DPP10: variants seen among roughly 807,000 people sequenced by gnomAD.
The protein encoded by DPP10 is dipeptidyl peptidase like 10, also known as inactive dipeptidyl peptidase 10.
DPP10 carries 33 observed loss-of-function variants against 120.9 expected under a neutral mutation model. That is an observed-to-expected ratio of 0.27 (90% confidence interval 0.21 to 0.37). The LOEUF is 0.37. Among genes scored for constraint, DPP10 ranks in the 10% least tolerant of loss-of-function variants. DPP10 has a pLI of 1.00. For synonymous variants in DPP10, 337 were observed against 326.1 expected (o/e 1.03, Z -0.36); for missense variants, 816 against 942.8 (o/e 0.87, Z 1.76).
intron 3 of DPP10, among the ~76,000 whole-genome samples, chr2:115,362,495 G>A (rs755713784): frequency 2.0e-5 from 3 of 151,996 alleles, no homozygotes; most frequent in Admixed American, 6.6e-5. Context: ...ATAACAAAAA[G>A]CTTTATATAA....
intron 1 of DPP10, among the ~76,000 whole-genome samples, chr2:114,903,526 A>T (rs970854462): frequency 6.6e-6 from 1 of 152,146 alleles, no homozygotes; most frequent in African/African-American, 2.4e-5. Context: ...AGTTTTCCTG[A>T]TGAGATATGA....
At chr2:114,877,430 T>A (rs1691246856) in intron 1 of DPP10, among the ~76,000 whole-genome samples, 1 of 152,014 alleles carries the variant, frequency 6.6e-6, no homozygotes, top group Non-Finnish European at 1.5e-5. Flanking sequence ...GGAAGCCATT[T>A]CAAGCAGAAA....
At chr2:115,197,178 G>A (rs1371088411) in intron 1 of DPP10, among the ~76,000 whole-genome samples, 1 of 152,112 alleles carries the variant, frequency 6.6e-6, no homozygotes, top group East Asian at 1.9e-4. Flanking sequence ...CGGATCATGA[G>A]GTCAGGAGAT....
intron 1 of DPP10, among the ~76,000 whole-genome samples, chr2:115,279,363 A>G (rs1480860121): frequency 6.6e-6 from 1 of 152,146 alleles, no homozygotes; most frequent in East Asian, 1.9e-4. Context: ...GAAAAACAGG[A>G]GGAGGAGGAA....
intron 1 of DPP10, among the ~76,000 whole-genome samples, chr2:114,561,573 T>G (rs1008455715): frequency 6.6e-6 from 1 of 152,186 alleles, no homozygotes; most frequent in Non-Finnish European, 1.5e-5. Context: ...TCTCTCACTA[T>G]TAGAAAGAGC....
rs527825154 is a variant in DPP10, at chr2:115,417,447, A to C, written c.271+73535A>C. Among the ~76,000 whole-genome samples the C allele has an allele frequency of 1.8e-4, 27 of 152,324 alleles. No individual in the cohort carries two copies. The South Asian group carries it at 5.6e-3, about 32-fold the overall frequency. ...GTTATCTTATATACATGTTGGTAATAATTCAACATTAACAATAAATGTTAT... is the reference window on the plus strand; with the variant it reads ...GTTATCTTATATACATGTTGGTAATCATTCAACATTAACAATAAATGTTAT... On this transcript the variant is annotated intron_variant, in intron 3 of 25. Transcript: ENST00000410059.
At chr2:114,976,628 G>A (rs1699770828) in intron 1 of DPP10, among the ~76,000 whole-genome samples, 1 of 152,164 alleles carries the variant, frequency 6.6e-6, no homozygotes, top group Admixed American at 6.5e-5. Context: ...TTTCAGTGGA[G>A]AAGTTTGAAA....
At chr2:114,662,046 C>T (rs1029816326) in intron 1 of DPP10, among the ~76,000 whole-genome samples, 1 of 151,882 alleles carries the variant, frequency 6.6e-6, no homozygotes, top group Non-Finnish European at 1.5e-5. Flanking sequence ...AGGCCGCGCC[C>T]CGAGGCCTCA....
At chr2:115,025,706 G>T (rs1424074842) in intron 1 of DPP10, among the ~76,000 whole-genome samples, 1 of 152,112 alleles carries the variant, frequency 6.6e-6, no homozygotes, top group Non-Finnish European at 1.5e-5. Flanking sequence ...TCTAACTGGG[G>T]TGAGATAATA....
intron 11 of DPP10, among the ~76,000 whole-genome samples, chr2:115,754,880 T>C (rs1679201371): frequency 6.6e-6 from 1 of 152,168 alleles, no homozygotes; most frequent in Non-Finnish European, 1.5e-5. Context: ...TTGCACCTTG[T>C]ATACAGGTAT....
intron 5 of DPP10, among the ~76,000 whole-genome samples, chr2:115,637,849 A>T (rs1575409732): frequency 6.6e-6 from 1 of 152,188 alleles, no homozygotes; most frequent in South Asian, 2.1e-4. Context: ...AAGCCTAGAC[A>T]TCACCAGTCT....
At chr2:114,596,153 A>G (rs1021996792) in intron 1 of DPP10, among the ~76,000 whole-genome samples, 1 of 192 alleles carries the variant, frequency 5.2e-3, no homozygotes, top group South Asian at 0.17. Flanking sequence ...GAAAATATGC[A>G]ACTTTTTTAG....
intron 5 of DPP10, among the ~76,000 whole-genome samples, chr2:115,623,158 C>T (rs538774842): frequency 6.6e-6 from 1 of 152,158 alleles, no homozygotes; most frequent in East Asian, 1.9e-4. Flanking sequence ...TTCATTTATT[C>T]TTATTGTCTA....
At chr2:115,502,555 A>G (rs2148800984) in intron 4 of DPP10, among the ~76,000 whole-genome samples, 1 of 152,308 alleles carries the variant, frequency 6.6e-6, no homozygotes, top group South Asian at 2.1e-4. Context: ...AATAATCTGA[A>G]TATCACCAGT....
intron 1 of DPP10, among the ~76,000 whole-genome samples, chr2:114,842,591 T>G (rs1688245870): frequency 6.6e-6 from 1 of 152,076 alleles, no homozygotes; most frequent in Non-Finnish European, 1.5e-5. Context: ...ACCAGAATAA[T>G]GTGTTTTCTC....
intron 1 of DPP10, among the ~76,000 whole-genome samples, chr2:114,492,025 G>T (rs1447221871): frequency 6.6e-6 from 1 of 152,080 alleles, no homozygotes; most frequent in Non-Finnish European, 1.5e-5. Context: ...AATTAGGAAG[G>T]ATTAACATCC....
At chr2:115,692,896 A>G (rs2091393359) in intron 7 of DPP10, among the ~76,000 whole-genome samples, 1 of 152,184 alleles carries the variant, frequency 6.6e-6, no homozygotes, top group African/African-American at 2.4e-5. Context: ...TCATATCATG[A>G]GAAGCCTACA....
chr2:115,659,971 T>C (rs1164846551), intron 5 of DPP10, among the ~76,000 whole-genome samples: 1 of 152,186 alleles, frequency 6.6e-6, no homozygotes, highest in Non-Finnish European at 1.5e-5. Flanking sequence ...GATTAATCAT[T>C]ATGTCATCTA....
intron 19 of DPP10, among the ~76,000 whole-genome samples, chr2:115,791,882 C>T (rs778631263): frequency 6.6e-6 from 1 of 152,018 alleles, no homozygotes; most frequent in East Asian, 1.9e-4. Flanking sequence ...TATTAGGCAC[C>T]GAGGCCCCTA....
Sources: gnomAD v4.1 joint callset for allele counts (sites outside exome capture counted in the v4.1 genomes callset) on GRCh38, gnomAD v4.1.1 for gene constraint, MANE v1.5 for transcripts, NCBI Gene and HGNC (gene_info 2026-07-23, HGNC 2026-07-21) for gene names.